The following MSRA variants were observed in gnomAD, a reference collection of about 807,000 sequenced individuals.
MSRA encodes the protein mitochondrial peptide methionine sulfoxide reductase.
In MSRA, 54 loss-of-function variants were observed where a neutral mutation model predicts 31.3. The observed-to-expected ratio is 1.73, with a 90% CI of 1.39 to 2.17. The LOEUF is 2.17. MSRA is among the 30% of genes most tolerant of loss of function. The probability of loss-of-function intolerance (pLI) is 0.00; values close to 1 mark genes in which losing one functional copy is unlikely to be tolerated. For synonymous variants in MSRA, 169 were observed against 116.5 expected, an observed-to-expected ratio of 1.45 and a Z score of -2.90; for missense variants, 507 against 300.9, an observed-to-expected ratio of 1.69 and a Z score of -5.07.
At chr8:10,272,466 A>G (rs1799096114) in intron 3 of MSRA, among the ~76,000 whole-genome samples, 1 of 152,162 alleles carries the variant, frequency 6.6e-6, no homozygotes, top group Non-Finnish European at 1.5e-5. Context: ...AGTCCTTTCT[A>G]CTCAAGTGTT....
chr8:10,315,557 T>G (rs1438923652), intron 4 of MSRA, among the ~76,000 whole-genome samples: 1 of 152,238 alleles, frequency 6.6e-6, no homozygotes, highest in African/African-American at 2.4e-5. Flanking sequence ...TAATTAAATC[T>G]GGAAACTACA....
chr8:10,165,946 G>A (rs908220017), intron 1 of MSRA, among the ~76,000 whole-genome samples: 1 of 152,180 alleles, frequency 6.6e-6, no homozygotes, highest in Admixed American at 6.5e-5. Context: ...AGACTGGCCT[G>A]GTCCCTGGAA....
chr8:10,403,322 G>A (rs1179402784), intron 5 of MSRA, among the ~76,000 whole-genome samples: 2 of 152,200 alleles, frequency 1.3e-5, no homozygotes, highest in Non-Finnish European at 2.9e-5. Flanking sequence ...CCCAGCCAAC[G>A]AGAAAAAGCC....
chr8:10,325,594 A>T (rs1026247088), intron 5 of MSRA, among the ~76,000 whole-genome samples: 13 of 152,236 alleles, frequency 8.5e-5, no homozygotes, highest in African/African-American at 3.1e-4. Flanking sequence ...CTGACTGTTT[A>T]TTCAGTTGAT....
intron 2 of MSRA, among the ~76,000 whole-genome samples, chr8:10,210,344 G>C (rs748482137): frequency 1.3e-5 from 2 of 152,178 alleles, no homozygotes; most frequent in African/African-American, 2.4e-5. Context: ...GATGTTCCCT[G>C]ACTCTCTCTG....
Position 10,402,234 on chromosome 8 carries a change from A to G in MSRA, c.544-25914A>G, listed in dbSNP as rs116691592. ...CCCTCCCACCTCTAAACATTTGGCT[A>G]TGAAGGTATTGCTCCCAAACTGGAC... On this transcript the variant is annotated intron_variant, in intron 5 of 5. Transcript: ENST00000317173. Among the ~76,000 whole-genome samples the G allele has an allele frequency of 2.2e-3, 340 of 152,246 alleles. 5 individuals carry two copies. Among genetic ancestry groups the G allele is most frequent in the African/African-American group, 7.7e-3 (319 of 41,542 alleles).
intron 1 of MSRA, among the ~76,000 whole-genome samples, chr8:10,204,917 T>G (rs956373962): frequency 1.3e-5 from 2 of 152,184 alleles, no homozygotes; most frequent in Non-Finnish European, 2.9e-5. Context: ...AGTCTACTGA[T>G]AGATGCAGTC....
At chr8:10,352,436 G>T (rs970900607) in intron 5 of MSRA, among the ~76,000 whole-genome samples, 8 of 152,164 alleles carry the variant, frequency 5.3e-5, no homozygotes, top group Non-Finnish European at 7.3e-5. Context: ...GGGCAGCAGA[G>T]TTGAAGAGGA....
At chr8:10,416,061 G>A (rs986897648) in intron 5 of MSRA, among the ~76,000 whole-genome samples, 1 of 152,046 alleles carries the variant, frequency 6.6e-6, no homozygotes, top group African/African-American at 2.4e-5. Context: ...GTGGCTGTTG[G>A]TGTGAGGGAA....
In MSRA at chr8:10,228,273, C is replaced by T. The variant is rs184441512; in HGVS notation, c.212-16831C>T. Among the ~76,000 whole-genome samples, 217 of 152,286 alleles carry T rather than the reference C, an allele frequency of 1.4e-3. 2 individuals are homozygous for T. Among genetic ancestry groups the T allele is most frequent in the Admixed American group, 0.011 (174 of 15,302 alleles). ...CCTGGTCAGAGGTTTCATCAAGGTG[C>T]GCCCTTTTGCCTTTGAAGAGGCCAG... is the stretch of plus-strand genomic sequence containing the variant. On this transcript the variant is annotated intron_variant, in intron 2 of 5. Transcript: ENST00000317173.
intron 5 of MSRA, among the ~76,000 whole-genome samples, chr8:10,383,422 C>G (rs954291878): frequency 2.0e-5 from 3 of 152,100 alleles, no homozygotes; most frequent in African/African-American, 7.2e-5. Flanking sequence ...GTTTTGTGGC[C>G]TATTCTAACT....
At chr8:10,092,054 C>T (rs1585127619) in intron 1 of MSRA, among the ~76,000 whole-genome samples, 1 of 150,540 alleles carries the variant, frequency 6.6e-6, no homozygotes, top group Non-Finnish European at 1.5e-5. Flanking sequence ...TCATAATAGC[C>T]ATTCTAACAG....
chr8:10,115,684 AT>A lies in MSRA; in HGVS notation c.142+61029del, dbSNP rs1177689428. On this transcript the variant is annotated intron_variant, in intron 1 of 5. Transcript: ENST00000317173. ...TTTGTCTAGTCTGGGCAGACAAGAGATTTCCATTCATGATTAAGGAGGGCCC... is the reference window on the plus strand; with the variant it reads ...TTTGTCTAGTCTGGGCAGACAAGAGATTCCATTCATGATTAAGGAGGGCCC... Among the ~76,000 whole-genome samples the A allele has an allele frequency of 5.3e-5, 8 of 152,158 alleles. No individual in the cohort carries two copies. The South Asian group carries it at 8.3e-4, about 16-fold the overall frequency.
intron 1 of MSRA, among the ~76,000 whole-genome samples, chr8:10,124,705 T>A (rs940562692): frequency 6.6e-6 from 1 of 152,250 alleles, no homozygotes; most frequent in African/African-American, 2.4e-5. Context: ...TTATCTTTCC[T>A]GAAATTTTGC....
At chr8:10,320,723 C>T (rs1007529135) in intron 5 of MSRA, among the ~76,000 whole-genome samples, 13 of 152,148 alleles carry the variant, frequency 8.5e-5, no homozygotes, top group African/African-American at 2.7e-4. Flanking sequence ...ATCAAGGTGT[C>T]GGCAGGGCTG....
At chr8:10,402,552 G>A (rs1807532388) in intron 5 of MSRA, among the ~76,000 whole-genome samples, 1 of 152,218 alleles carries the variant, frequency 6.6e-6, no homozygotes, top group Non-Finnish European at 1.5e-5. Context: ...GCCCACTGGA[G>A]GCAGCTGGGA....
chr8:10,067,315 A>G (rs948918839), intron 1 of MSRA, among the ~76,000 whole-genome samples: 7 of 152,144 alleles, frequency 4.6e-5, no homozygotes, highest in African/African-American at 1.7e-4. Flanking sequence ...TAACAATATG[A>G]TTTGAGGAGC....
At chr8:10,268,778 ACATTACAC>A (rs1472184174) in intron 3 of MSRA, among the ~76,000 whole-genome samples, 4 of 152,268 alleles carry the variant, frequency 2.6e-5, no homozygotes, top group African/African-American at 7.2e-5. Context: ...TTAATAGAAC[ACATTACAC>A]CATTAAATGG....
At chr8:10,399,527 G>A (rs550611228) in intron 5 of MSRA, among the ~76,000 whole-genome samples, 2 of 152,244 alleles carry the variant, frequency 1.3e-5, no homozygotes, top group South Asian at 4.1e-4. Flanking sequence ...CTACCACTTT[G>A]CCTTCAGCCA....
Sources: allele counts gnomAD v4.1 joint callset (sites outside exome capture counted in the v4.1 genomes callset), GRCh38; gene constraint gnomAD v4.1.1; transcripts MANE v1.5; gene names NCBI Gene and HGNC (gene_info 2026-07-23, HGNC 2026-07-21).